POLK: variants seen among roughly 807,000 people sequenced by gnomAD.
POLK encodes polymerase (DNA directed) kappa.
A neutral mutation model predicts 94.0 loss-of-function variants in POLK; 76 were observed. That is an observed-to-expected ratio of 0.81 (90% confidence interval 0.67 to 0.98). The LOEUF (loss-of-function observed/expected upper bound fraction) is 0.98. POLK is among the 50% of genes least tolerant of loss of function. The pLI, the probability that POLK is intolerant of heterozygous loss-of-function variation, is 0.00. For missense variants in POLK, 954 were observed against 1,010.1 expected (o/e 0.94, Z 0.75); for synonymous variants, 349 against 325.4 (o/e 1.07, Z -0.78).
At chr5:75,597,398 G>A (rs541843779) in intron 13 of POLK, 2 of 489,382 alleles carry the variant, frequency 4.1e-6, no homozygotes, top group East Asian at 6.5e-5. Context: ...ATTTAGCACA[G>A]AATGAACTCA....
chr5:75,533,542 G>A (rs1769287941), intron 1 of POLK, among the ~76,000 whole-genome samples: 1 of 152,072 alleles, frequency 6.6e-6, no homozygotes, highest in Admixed American at 6.6e-5. Flanking sequence ...TGTTCTTTTT[G>A]CTTAGGGTTA....
chr5:75,597,213 C>T, intron 13 of POLK, 35 bp downstream of exon 13: 1 of 1,000,764 alleles, frequency 1.0e-6, no homozygotes, highest in Non-Finnish European at 1.5e-6. Context: ...GCATGATTTT[C>T]TAGGAATATG....
At chr5:75,528,185 A>G (rs1478214460) in intron 1 of POLK, among the ~76,000 whole-genome samples, 3 of 152,194 alleles carry the variant, frequency 2.0e-5, no homozygotes, top group African/African-American at 7.2e-5. Context: ...TAGATGATAC[A>G]TTTATACTCC....
At chr5:75,559,531 T>G (rs1561371408) in intron 3 of POLK, among the ~76,000 whole-genome samples, 5 of 132,410 alleles carry the variant, frequency 3.8e-5, no homozygotes, top group African/African-American at 8.6e-5. Flanking sequence ...TTGTTTTTTT[T>G]TTTTTTTTTT....
At chr5:75,511,434 C>T (rs1398914267), upstream of POLK, 1 of 1,537,892 alleles carries the variant, frequency 6.5e-7, no homozygotes, top group East Asian at 2.5e-5. Flanking sequence ...CCTACCCTTC[C>T]AGCCGTCAGC....
intron 1 of POLK, among the ~76,000 whole-genome samples, chr5:75,530,784 CT>C (rs1210780507): frequency 6.7e-6 from 1 of 149,738 alleles, no homozygotes; most frequent in African/African-American, 2.4e-5. Context: ...AGTTTTTGCC[CT>C]CTTGAAATTT....
chr5:75,552,808 A>G, intron 3 of POLK, among the ~76,000 whole-genome samples: 1 of 152,140 alleles, frequency 6.6e-6, no homozygotes. Flanking sequence ...CCTCTATTAT[A>G]CAGAAGAGTA....
chr5:75,565,204 T>G (rs1909720), intron 3 of POLK, among the ~76,000 whole-genome samples: 12,006 of 152,214 alleles, frequency 0.079, 563 homozygotes, highest in South Asian at 0.17. Flanking sequence ...TTCCCGAAGT[T>G]CTTGTGCTGT....
chr5:75,580,593 C>T, intron 6 of POLK: 2 of 817,514 alleles, frequency 2.4e-6, no homozygotes, highest in Non-Finnish European at 3.0e-6. Context: ...GCATAACTTT[C>T]ACAGGTAATT....
intron 1 of POLK, among the ~76,000 whole-genome samples, chr5:75,530,238 T>C (rs1769086291): frequency 6.7e-6 from 1 of 149,984 alleles, no homozygotes; most frequent in African/African-American, 2.4e-5. Context: ...TGAATCTATT[T>C]GTATTTCTTT....
chr5:75,559,533 T>A (rs1322496645), intron 3 of POLK, among the ~76,000 whole-genome samples: 1 of 133,758 alleles, frequency 7.5e-6, no homozygotes, highest in East Asian at 2.1e-4. Context: ...GTTTTTTTTT[T>A]TTTTTTTTTT....
At chr5:75,557,743 T>G (rs1162271261) in intron 3 of POLK, among the ~76,000 whole-genome samples, 1 of 152,236 alleles carries the variant, frequency 6.6e-6, no homozygotes, top group Non-Finnish European at 1.5e-5. Flanking sequence ...CACTTGTTCC[T>G]AAGTATTTCA....
exon 13 of POLK, chr5:75,596,435 A>T (rs1581110097): frequency 1.2e-6 from 2 of 1,613,650 alleles, no homozygotes; most frequent in African/African-American, 2.7e-5. Context: ...AGTCACCAAG[A>T]TACATTTAAA....
Position 75,594,107 on chromosome 5 carries a change from C to T in POLK, c.1528+58C>T. 5 of 1,335,278 alleles carry T rather than the reference C, an allele frequency of 3.7e-6. No homozygotes were observed. The South Asian group carries it at 7.2e-5, about 19-fold the overall frequency. 82.7% of individuals were successfully genotyped at this position (1,335,278 alleles called of 1,614,324 possible). ...AATCTGCTAGATTTTCCCAAATAATCAACTTTGGGAATACAGGGGGCCCCC... is the reference window on the plus strand; with the variant it reads ...AATCTGCTAGATTTTCCCAAATAATTAACTTTGGGAATACAGGGGGCCCCC... On this transcript the variant is annotated intron_variant, in intron 12 of 14. Transcript: ENST00000241436.
chr5:75,581,292 G>T (rs1170008713), exon 7 of POLK: 4 of 1,613,080 alleles, frequency 2.5e-6, no homozygotes, highest in Admixed American at 1.7e-5. Flanking sequence ...TCCTTCTGAT[G>T]TGCAGCCCCC....
intron 4 of POLK, among the ~76,000 whole-genome samples, chr5:75,573,286 T>C (rs1278637832): frequency 3.9e-5 from 6 of 152,060 alleles, no homozygotes; most frequent in Non-Finnish European, 8.8e-5. Context: ...CACCACATGT[T>C]CTCACTCATA....
intron 8 of POLK, among the ~76,000 whole-genome samples, chr5:75,584,177 CTA>C (rs1468887510): frequency 6.6e-6 from 1 of 152,104 alleles, no homozygotes; most frequent in East Asian, 1.9e-4. Flanking sequence ...TGATGTGTCA[CTA>C]TGCATATTAA....
chr5:75,543,933 A>G (rs1001947768), intron 1 of POLK, among the ~76,000 whole-genome samples: 1 of 152,160 alleles, frequency 6.6e-6, no homozygotes, highest in Admixed American at 6.5e-5. Flanking sequence ...TCCCAGGCTC[A>G]AGTGAAACTC....
intron 4 of POLK, among the ~76,000 whole-genome samples, chr5:75,572,138 A>G (rs1771630024): frequency 6.6e-6 from 1 of 152,228 alleles, no homozygotes; most frequent in Non-Finnish European, 1.5e-5. Context: ...AATTTGTGAT[A>G]AAATTTGTTT....
Sources: gnomAD v4.1 joint callset for allele counts (sites outside exome capture counted in the v4.1 genomes callset) on GRCh38, gnomAD v4.1.1 for gene constraint, MANE v1.5 for transcripts, NCBI Gene and HGNC (gene_info 2026-07-23, HGNC 2026-07-21) for gene names.